Variants in VASH2 observed in about 807,000 individuals in gnomAD.
VASH2 encodes the protein vasohibin 2.
VASH2 carries 28 observed loss-of-function variants against 37.2 expected under a neutral mutation model. The observed-to-expected ratio is 0.75, with a 90% CI of 0.56 to 1.03. VASH2 has a LOEUF of 1.03. VASH2 is among the 50% of genes least tolerant of loss of function. VASH2 has a pLI of 0.00. For synonymous variants in VASH2, 188 were observed against 174.7 expected (o/e 1.08, Z -0.60); for missense variants, 419 against 459.1 (o/e 0.91, Z 0.80).
chr1:212,954,089 A>G (rs547384908), intron 2 of VASH2, among the ~76,000 whole-genome samples: 109 of 152,050 alleles, frequency 7.2e-4, no homozygotes, highest in Non-Finnish European at 1.0e-4. Context: ...TTAAAAAAAA[A>G]TTTTGTAGAG....
intron 3 of VASH2, among the ~76,000 whole-genome samples, chr1:212,965,059 T>C (rs1306134037): frequency 2.6e-5 from 4 of 152,208 alleles, no homozygotes; most frequent in African/African-American, 4.8e-5. Flanking sequence ...TAGCTGGGAT[T>C]ACAGGCCCAT....
chr1:212,953,237 G>C (rs906464242), intron 2 of VASH2, among the ~76,000 whole-genome samples: 7 of 151,942 alleles, frequency 4.6e-5, no homozygotes, highest in Non-Finnish European at 8.8e-5. Context: ...GCGCGGGGGG[G>C]GGTGCATTCT....
chr1:212,962,082 G>T (rs1666697248), intron 3 of VASH2, among the ~76,000 whole-genome samples: 1 of 152,146 alleles, frequency 6.6e-6, no homozygotes, highest in Admixed American at 6.5e-5. Context: ...TCTGGGATTG[G>T]GGGCCCTCTC....
chr1:212,983,904 T>A (rs933073166), intron 7 of VASH2, among the ~76,000 whole-genome samples: 1 of 152,198 alleles, frequency 6.6e-6, no homozygotes, highest in South Asian at 2.1e-4. Flanking sequence ...GGGGACCAAC[T>A]CTGGCTCCAA....
At chr1:212,960,326 A>G (rs1183092117) in intron 2 of VASH2, among the ~76,000 whole-genome samples, 1 of 152,008 alleles carries the variant, frequency 6.6e-6, no homozygotes, top group East Asian at 1.9e-4. Flanking sequence ...CTAGGAAGTG[A>G]GTGTGTTGGT....
chr1:212,955,405 G>A (rs1666458283), intron 2 of VASH2, among the ~76,000 whole-genome samples: 1 of 152,192 alleles, frequency 6.6e-6, no homozygotes, highest in South Asian at 2.1e-4. Flanking sequence ...TCCCCTGGAG[G>A]TTGTTGAGTC....
At position 212,990,267 on chromosome 1, in the gene VASH2, A is replaced by T. The variant is rs956442012; in HGVS notation, c.*1683A>T. On this transcript the variant is annotated 3_prime_UTR_variant, in exon 8 of 8. Transcript: ENST00000517399. ...ACAAGACCAAGTATACATCTCCATT[A>T]GATTAAAATGTAGCACAGGGTTAAA... The T allele has an allele frequency of 2.0e-5, 3 of 152,348 alleles. No homozygotes were observed. The South Asian group carries it at 6.2e-4, about 32-fold the overall frequency. The allele number at this position is 152,348 out of a possible 1,614,324, so 9.4% of individuals were successfully genotyped here.
At chr1:212,963,475 A>G (rs1290281971) in intron 3 of VASH2, among the ~76,000 whole-genome samples, 1 of 152,178 alleles carries the variant, frequency 6.6e-6, no homozygotes, top group East Asian at 1.9e-4. Context: ...GGTTGGCATC[A>G]GTCCTGACTG....
chr1:212,968,526 A>G (rs766085988), intron 5 of VASH2: 28 of 985,332 alleles, frequency 2.8e-5, no homozygotes, highest in Admixed American at 6.1e-5. Context: ...CTGAAACCAG[A>G]TTGACCACAG....
chr1:212,988,988 A>G lies in VASH2; in HGVS notation c.*404A>G, dbSNP rs2075826877. 2 of 164,290 alleles carry G rather than the reference A, an allele frequency of 1.2e-5. No homozygotes were observed. Among genetic ancestry groups the G allele is most frequent in the South Asian group, 1.7e-4 (1 of 5,922 alleles). 10.2% of individuals were successfully genotyped at this position (164,290 alleles called of 1,614,324 possible). ...AACAGTATTACTGTCTTTTTCAGCA[A>G]TAACAGAAAGCAAAAATGGGTGGGT... is the stretch of plus-strand genomic sequence containing the variant. On this transcript the variant is annotated 3_prime_UTR_variant, in exon 8 of 8. Coordinates refer to ENST00000517399, the MANE Select transcript of VASH2 (RefSeq NM_001301056.2).
intron 7 of VASH2, among the ~76,000 whole-genome samples, chr1:212,980,610 A>G (rs559420858): frequency 6.6e-6 from 1 of 152,318 alleles, no homozygotes; most frequent in Admixed American, 6.5e-5. Flanking sequence ...TTCCTGCTGC[A>G]TTCTGTCAGG....
rs1389306392 is a variant in VASH2, at chr1:212,951,700, A to C, written c.158A>C (p.Lys53Thr). ...GGCGGGGTGCTGTTCCACGTCAACA[A>C]GAGCGGCTTCCCCATCGACAGCCAC... ...KDGGVLFHVN[K>T]SGFPIDSHTW... The change falls in exon 2 of 8, where the codon AAG becomes ACG. Residue 53 changes from lysine (K) to threonine (T), a missense_variant. Lys to Thr is a moderately conservative substitution (Grantham distance 78, BLOSUM62 -1). Transcript: ENST00000517399. This position sits in a 1 kb window ranked among gnomAD's most constrained non-coding sequence, Gnocchi z 4.4. 6.2e-7 allele frequency: 1 copy of C among 1,602,966 alleles called. No homozygotes were observed. Among genetic ancestry groups the C allele is most frequent in the Middle Eastern group, 1.7e-4 (1 of 6,048 alleles).
rs373216690 is a variant in VASH2, at chr1:212,972,998, G to T, written c.879+37G>T. ...GAAGACAAGGAAGCCATGCAGGAGAGCTCTTTTCCCATTCCTTTCTCTCTG... is the reference window on the plus strand; with the variant it reads ...GAAGACAAGGAAGCCATGCAGGAGATCTCTTTTCCCATTCCTTTCTCTCTG... On this transcript the variant is annotated intron_variant, in intron 6 of 7. Coordinates refer to ENST00000517399, the MANE Select transcript of VASH2 (RefSeq NM_001301056.2). 66 of 1,582,872 alleles carry T rather than the reference G, an allele frequency of 4.2e-5. No individual in the cohort carries two copies. In the African/African-American group the frequency reaches 7.9e-4, roughly 19 times the overall value.
rs142160673 is a variant in VASH2 at position 212,971,198 on chromosome 1, G to A, written c.498-1382G>A. Among the ~76,000 whole-genome samples, 2 of 152,210 alleles carry A rather than the reference G, an allele frequency of 1.3e-5. No individual in the cohort carries two copies. Among genetic ancestry groups the A allele is most frequent in the Admixed American group, 6.5e-5 (1 of 15,292 alleles). ...CATTTTGTTCATCCCTTTATCCATC[G>A]ATGGATATTTGCGTTGTTTCCACCT... On this transcript the variant is annotated intron_variant, in intron 5 of 7. Coordinates refer to ENST00000517399, the MANE Select transcript of VASH2 (RefSeq NM_001301056.2). The surrounding 1 kb of genome is among the most constrained non-coding windows in gnomAD (Gnocchi z 4.0).
intron 3 of VASH2, among the ~76,000 whole-genome samples, chr1:212,961,607 C>G (rs561020921): frequency 6.6e-6 from 1 of 152,292 alleles, no homozygotes; most frequent in African/African-American, 2.4e-5. Context: ...TTCTCCTTCA[C>G]TGTCCTTCTT....
chr1:212,959,450 C>T (rs1666604253), intron 2 of VASH2, among the ~76,000 whole-genome samples: 1 of 26,770 alleles, frequency 3.7e-5, no homozygotes, highest in Non-Finnish European at 6.2e-5. Flanking sequence ...CGCACATTCA[C>T]ACACACACAC....
intron 7 of VASH2, 96 bp downstream of exon 7, chr1:212,974,166 C>A: frequency 7.1e-7 from 1 of 1,405,070 alleles, no homozygotes; most frequent in Non-Finnish European, 9.4e-7. Flanking sequence ...TTGGGCATGG[C>A]ATTTGAACCT....
intron 6 of VASH2, among the ~76,000 whole-genome samples, chr1:212,973,211 C>T (rs1200306788): frequency 6.6e-6 from 1 of 152,152 alleles, no homozygotes; most frequent in Non-Finnish European, 1.5e-5. Flanking sequence ...TATATTGAAG[C>T]TCTAGTTTGT....
Position 212,967,183 on chromosome 1 carries a change from T to A in VASH2, c.497+838T>A, listed in dbSNP as rs1012771534. 4.6e-6 allele frequency: 6 copies of A among 1,304,132 alleles called. No homozygotes were observed. In the African/African-American group the frequency reaches 9.1e-5, roughly 20 times the overall value. 80.8% of individuals were successfully genotyped at this position (1,304,132 alleles called of 1,614,324 possible). On this transcript the variant is annotated intron_variant, in intron 5 of 7. Coordinates refer to ENST00000517399, the MANE Select transcript of VASH2 (RefSeq NM_001301056.2). ...TTCCATTTTTCACCAGACTCCCGGCTCTTCAGCCTGAGAGGAATATGGTGC... is the reference window on the plus strand; with the variant it reads ...TTCCATTTTTCACCAGACTCCCGGCACTTCAGCCTGAGAGGAATATGGTGC...
Sources: allele counts gnomAD v4.1 joint callset (sites outside exome capture counted in the v4.1 genomes callset), GRCh38; gene constraint gnomAD v4.1.1; non-coding constraint Gnocchi (gnomAD v3.1); transcripts MANE v1.5; gene names NCBI Gene and HGNC (gene_info 2026-07-23, HGNC 2026-07-21).